Variants in DCLK2 observed in about 807,000 individuals in gnomAD.
DCLK2 encodes doublecortin like kinase 2, also known as serine/threonine-protein kinase DCLK2.
Under a neutral mutation model 78.4 loss-of-function variants are expected in DCLK2, and 31 were observed. The ratio of observed to expected loss-of-function variants is 0.40; its 90% confidence interval spans 0.30 to 0.53. DCLK2 has a LOEUF of 0.53. DCLK2 is among the 20% of genes least tolerant of loss of function. The pLI is 0.61. For missense variants in DCLK2, 872 were observed against 973.7 expected (o/e 0.90, Z 1.39); for synonymous variants, 407 against 374.9 (o/e 1.09, Z -0.99).
chr4:150,229,366 G>A (rs951341400), intron 8 of DCLK2, among the ~76,000 whole-genome samples: 45 of 152,142 alleles, frequency 3.0e-4, no homozygotes, highest in African/African-American at 1.1e-3. Flanking sequence ...TAGAAGTCTA[G>A]GTAAGGGATT....
chr4:150,242,284 G>GAT (rs1742983903), intron 12 of DCLK2, among the ~76,000 whole-genome samples: 1 of 152,178 alleles, frequency 6.6e-6, no homozygotes, highest in South Asian at 2.1e-4. Flanking sequence ...AAATCACAAG[G>GAT]ATGTAGCATT....
chr4:150,214,934 C>G (rs573197972), intron 5 of DCLK2, among the ~76,000 whole-genome samples: 2 of 149,280 alleles, frequency 1.3e-5, no homozygotes, highest in Non-Finnish European at 1.5e-5. Flanking sequence ...TGCACTCCAC[C>G]CTGGGTGACA....
chr4:150,221,093 G>A (rs1741152974), intron 6 of DCLK2, among the ~76,000 whole-genome samples: 1 of 152,146 alleles, frequency 6.6e-6, no homozygotes, highest in Non-Finnish European at 1.5e-5. Context: ...GTGTTTTCTT[G>A]ATTTGGTGTC....
chr4:150,254,017 T>A, intron 15 of DCLK2: 2 of 625,696 alleles, frequency 3.2e-6, no homozygotes, highest in Non-Finnish European at 4.0e-6. Context: ...GGCTGAGGTG[T>A]GGGATTACAG....
intron 2 of DCLK2, among the ~76,000 whole-genome samples, chr4:150,118,000 G>T (rs914521425): frequency 3.3e-5 from 5 of 152,170 alleles, no homozygotes; most frequent in Non-Finnish European, 4.4e-5. Context: ...CCATTTTACA[G>T]TGGGGAAATT....
chr4:150,192,773 A>G (rs923336813), intron 2 of DCLK2, among the ~76,000 whole-genome samples: 1 of 152,178 alleles, frequency 6.6e-6, no homozygotes, highest in African/African-American at 2.4e-5. Context: ...AGGAGAGGGA[A>G]GAAGGGCAGT....
intron 2 of DCLK2, among the ~76,000 whole-genome samples, chr4:150,172,079 C>A (rs906185405): frequency 1.3e-5 from 2 of 152,166 alleles, no homozygotes; most frequent in Non-Finnish European, 2.9e-5. Context: ...TCCTCCAGTG[C>A]CTAGCTTTGA....
intron 10 of DCLK2, among the ~76,000 whole-genome samples, chr4:150,239,336 G>A (rs909898135): frequency 1.2e-4 from 19 of 152,292 alleles, no homozygotes; most frequent in African/African-American, 4.6e-4. Flanking sequence ...GGTAGCTCAT[G>A]CCTGTATTCC....
chr4:150,094,046 A>C (rs145420018), intron 1 of DCLK2, among the ~76,000 whole-genome samples: 1 of 152,202 alleles, frequency 6.6e-6, no homozygotes, highest in Non-Finnish European at 1.5e-5. Context: ...AACCTTATAC[A>C]TAAAAACCAA....
rs1024811290 is a variant in DCLK2 at position 150,147,102 on chromosome 4, A to G, written c.756+44290A>G. 4.3e-4 allele frequency among the ~76,000 whole-genome samples: 66 copies of G among 151,910 alleles called. 1 individual carries two copies. The highest frequency in any genetic ancestry group is 3.7e-3 in the Admixed American group (57 of 15,264). On this transcript the variant is annotated intron_variant, in intron 2 of 15. Coordinates refer to ENST00000296550, the MANE Select transcript of DCLK2 (RefSeq NM_001040260.4). ...AGTTCCAGACCAGTCTGGGCAACATAGTGAGGCCTGTTTCTACCAAAAAAA... is the reference window on the plus strand; with the variant it reads ...AGTTCCAGACCAGTCTGGGCAACATGGTGAGGCCTGTTTCTACCAAAAAAA...
intron 2 of DCLK2, among the ~76,000 whole-genome samples, chr4:150,125,643 A>G (rs1732871332): frequency 6.6e-6 from 1 of 152,166 alleles, no homozygotes. Flanking sequence ...TAGTCCGAGC[A>G]CTCTGGGAGG....
At chr4:150,110,135 AT>A (rs1441881105) in intron 2 of DCLK2, among the ~76,000 whole-genome samples, 3 of 152,210 alleles carry the variant, frequency 2.0e-5, no homozygotes, top group African/African-American at 7.2e-5. Flanking sequence ...AGGAGAAACA[AT>A]TTTAGCTTCC....
chr4:150,083,887 G>A (rs1003812366), intron 1 of DCLK2, among the ~76,000 whole-genome samples: 1 of 152,172 alleles, frequency 6.6e-6, no homozygotes, highest in East Asian at 1.9e-4. Context: ...TTAGTTGAGG[G>A]CATACTATGT....
intron 2 of DCLK2, among the ~76,000 whole-genome samples, chr4:150,138,504 G>A (rs1220911734): frequency 6.6e-6 from 1 of 152,152 alleles, no homozygotes; most frequent in African/African-American, 2.4e-5. Flanking sequence ...AGGTACTTAG[G>A]AGGCTCAGTG....
At position 150,243,421 on chromosome 4, in the gene DCLK2, G is replaced by A. The variant is rs80173878; in HGVS notation, c.1778+2945G>A. Among the ~76,000 whole-genome samples the A allele has an allele frequency of 5.2e-3, 791 of 151,698 alleles. 7 individuals are homozygous for A. Among genetic ancestry groups the A allele is most frequent in the African/African-American group, 0.018 (747 of 41,474 alleles). ...CTTCATGGCATACAGCGACATTCTG[G>A]GTAGATTTTATAACCTACTATAATA... On this transcript the variant is annotated intron_variant, in intron 12 of 15. Transcript: ENST00000296550.
chr4:150,237,802 C>T (rs1188970849), intron 10 of DCLK2, among the ~76,000 whole-genome samples: 8 of 152,136 alleles, frequency 5.3e-5, no homozygotes, highest in Non-Finnish European at 1.2e-4. Flanking sequence ...TCTGGTTCAG[C>T]AAAATATGAG....
chr4:150,119,055 T>TAATAATAATAATAATAAC (rs1732330695), intron 2 of DCLK2, among the ~76,000 whole-genome samples: 1 of 150,784 alleles, frequency 6.6e-6, no homozygotes, highest in Non-Finnish European at 1.5e-5. Flanking sequence ...ATAATAATAA[T>TAATAATAATAATAATAAC]AATAATAATA....
intron 2 of DCLK2, among the ~76,000 whole-genome samples, chr4:150,125,627 C>A (rs1732869295): frequency 1.3e-5 from 2 of 152,228 alleles, no homozygotes; most frequent in South Asian, 4.2e-4. Flanking sequence ...CGGTGGCTCA[C>A]TCTTGTAGTC....
At chr4:150,239,235 A>G (rs546757848) in intron 10 of DCLK2, among the ~76,000 whole-genome samples, 2 of 152,332 alleles carry the variant, frequency 1.3e-5, no homozygotes, top group South Asian at 4.1e-4. Context: ...ATTTCACACA[A>G]TTGTGCAAAA....
Sources: allele counts gnomAD v4.1 joint callset (sites outside exome capture counted in the v4.1 genomes callset), GRCh38; gene constraint gnomAD v4.1.1; transcripts MANE v1.5; gene names NCBI Gene and HGNC (gene_info 2026-07-23, HGNC 2026-07-21).